The following PKD1 variants were observed in gnomAD, a reference collection of about 807,000 sequenced individuals.
PKD1 encodes the protein polycystin 1, transient receptor potential channel interacting.
In PKD1, 81 loss-of-function variants were observed where a neutral mutation model predicts 361.7. That is an observed-to-expected ratio of 0.22 (90% CI 0.19 to 0.27). The LOEUF (loss-of-function observed/expected upper bound fraction) is 0.27. Ranked by LOEUF, PKD1 falls within the 10% of genes least tolerant of loss-of-function variation. The pLI is 1.00. For missense variants in PKD1, 6,399 were observed against 6,118.3 expected (o/e 1.05, Z -1.53); for synonymous variants, 3,615 against 2,818.3 (o/e 1.28, Z -8.95).
chr16:2,114,673 A>C lies in PKD1; in HGVS notation c.2350T>G (p.Leu784Val). 1 of 1,545,134 alleles carries C rather than the reference A, an allele frequency of 6.5e-7. No homozygotes were observed. Among genetic ancestry groups the C allele is most frequent in the Non-Finnish European group, 8.7e-7 (1 of 1,153,556 alleles). The change falls in exon 11 of 46, where the codon TTG (leucine) becomes GTG (valine). Residue 784 changes from leucine to valine, a missense_variant. Leu to Val is a conservative substitution (Grantham distance 32). Transcript: ENST00000262304. ...ATEQLTVLLG[L>V]RPNPGLRLPG... is the part of the protein sequence containing the mutation. ...AGCCGCAGTCCAGGGTTGGGCCTCA[A>C]GCCCAGCAGCACGGTGAGCTGTTCC... is the stretch of plus-strand genomic sequence containing the variant.
chr16:2,104,762 G>C (rs1426909186), intron 21 of PKD1, 120 bp from the exon 22 acceptor site: 53 of 779,714 alleles, frequency 6.8e-5, no homozygotes, highest in South Asian at 3.7e-4. Flanking sequence ...GAGCCCACTT[G>C]ACTGGACCCC....
chr16:2,124,420 C>G (rs2092767517), intron 1 of PKD1, among the ~76,000 whole-genome samples: 2 of 152,242 alleles, frequency 1.3e-5, no homozygotes, highest in East Asian at 3.8e-4. Flanking sequence ...TGGGTGAAGC[C>G]TGAGGCTGGC....
In PKD1 at chr16:2,106,654, G is replaced by A; in HGVS notation, c.7233C>T (p.Ser2411=). The change falls in exon 18 of 46, where the codon AGC becomes AGT. Residue 2411 remains serine (S), a synonymous_variant. Coordinates refer to ENST00000262304, the MANE Select transcript of PKD1 (RefSeq NM_001009944.3). This position sits in a 1 kb window ranked among gnomAD's most constrained non-coding sequence, Gnocchi z 6.5. ...KRGRWAARTF[S]NKTLVLDETT... ...TCTCATCCAGCACCAGCGTCTTGTTGCTGAACGTACGTGCAGCCCACCGCT... is the reference window on the plus strand; with the variant it reads ...TCTCATCCAGCACCAGCGTCTTGTTACTGAACGTACGTGCAGCCCACCGCT... 5 of 1,597,398 alleles carry A rather than the reference G, an allele frequency of 3.1e-6. No individual in the cohort carries two copies. Among genetic ancestry groups the A allele is most frequent in the South Asian group, 1.1e-5 (1 of 90,844 alleles).
At chr16:2,113,952 GAA>G in intron 11 of PKD1, 1 of 598,510 alleles carries the variant, frequency 1.7e-6, no homozygotes, top group Non-Finnish European at 3.0e-6. Context: ...TGAGACAGTG[GAA>G]TGAGTTAGCG....
At chr16:2,097,121 C>T (rs2091880883) in intron 34 of PKD1, 27 bp downstream of exon 34, 2 of 1,528,884 alleles carry the variant, frequency 1.3e-6, no homozygotes, top group African/African-American at 2.8e-5. Flanking sequence ...CTGGCAATCC[C>T]CCCTCCCCCG....
chr16:2,093,374 C>T (rs1009332923), intron 37 of PKD1, 170 bp downstream of exon 37: 1 of 728,708 alleles, frequency 1.4e-6, no homozygotes, highest in South Asian at 1.8e-5. Flanking sequence ...ACTGGGGCAG[C>T]AAGTGGGGGG....
chr16:2,115,140 G>A (rs1460978017), intron 10 of PKD1: 19 of 917,364 alleles, frequency 2.1e-5, no homozygotes, highest in Non-Finnish European at 2.5e-5. Flanking sequence ...AGACAGGAAG[G>A]AGCAGCTGTG....
rs1451687257 is a variant in PKD1 at position 2,109,853 on chromosome 16, G to A, written c.5314C>T (p.Pro1772Ser). 1.9e-6 allele frequency: 3 copies of A among 1,610,684 alleles called. No individual in the cohort carries two copies. Among genetic ancestry groups the A allele is most frequent in the African/African-American group, 2.7e-5 (2 of 74,970 alleles). The change falls in exon 15 of 46, where the codon CCC becomes TCC. Residue 1772 changes from proline (P) to serine (S), a missense_variant. Transcript: ENST00000262304. ...TSEPFTTHSF[P>S]TPGLHLVTMT... is the part of the protein sequence containing the mutation. ...GTGACCAAGTGCAGGCCGGGTGTGG[G>A]GAAGCTATGGGTGGTAAATGGCTCG... is the stretch of plus-strand genomic sequence containing the variant.
rs1161298621 is a variant in PKD1 at position 2,106,475 on chromosome 16, G to A, written c.7412C>T (p.Pro2471Leu). The A allele has an allele frequency of 5.0e-6, 8 of 1,590,244 alleles. No individual in the cohort carries two copies. The highest frequency in any genetic ancestry group is 1.3e-5 in the African/African-American group (1 of 74,634). Residue 2471 changes from proline (P) to leucine (L), a missense_variant, in exon 18 of 46, where the codon CCG becomes CTG. By Grantham distance (98) the Pro-to-Leu change is moderately conservative. Coordinates refer to ENST00000262304, the MANE Select transcript of PKD1 (RefSeq NM_001009944.3). This position sits in a 1 kb window ranked among gnomAD's most constrained non-coding sequence, Gnocchi z 6.5. ...ASIRLSPNRP[P>L]LGGSCRLFPL... The stretch of plus-strand genomic sequence containing the variant: ...GAAGAGGCGGCAAGAGCCCCCCAGC[G>A]GCGGGCGGTTGGGGGACAGGCGGAT...
chr16:2,099,584 G>C (rs1211108631), intron 30 of PKD1, 60 bp downstream of exon 30: 4 of 1,520,180 alleles, frequency 2.6e-6, no homozygotes, highest in Non-Finnish European at 3.5e-6. Context: ...GCGGCCCTAG[G>C]CATGGTGCCG....
chr16:2,089,950 T>C lies in PKD1; in HGVS notation c.12689A>G (p.Asn4230Ser). The C allele has an allele frequency of 3.1e-6, 5 of 1,612,252 alleles. No homozygotes were observed. Among genetic ancestry groups the C allele is most frequent in the Non-Finnish European group, 4.2e-6 (5 of 1,179,770 alleles). Residue 4230 changes from asparagine to serine, a missense_variant, in exon 46 of 46, where the codon AAC (asparagine) becomes AGC (serine). Asn to Ser is a conservative substitution (Grantham distance 46, BLOSUM62 1). Coordinates refer to ENST00000262304, the MANE Select transcript of PKD1 (RefSeq NM_001009944.3). ...EALLTQFDRLNQATEDVYQLE... is the reference protein window; with the variant it reads ...EALLTQFDRLSQATEDVYQLE... ...CTGGTAGACGTCCTCTGTGGCCTGG[T>C]TGAGTCGGTCAAACTGGGTGAGCAG...
intron 9 of PKD1, 109 bp from the exon 10 acceptor site, chr16:2,115,734 C>G (rs1331063713): frequency 8.8e-7 from 1 of 1,134,844 alleles, no homozygotes; most frequent in Non-Finnish European, 1.3e-6. Context: ...ACAGGTCTCC[C>G]CACCTGGGCA....
rs774163518 is a variant in PKD1, at chr16:2,106,100, G to C, written c.7694C>G (p.Ala2565Gly). 6.2e-7 allele frequency: 1 copy of C among 1,605,410 alleles called. No homozygotes were observed. The highest frequency in any genetic ancestry group is 1.3e-5 in the African/African-American group (1 of 74,472). The part of the protein sequence containing the change: ...VQDQLGAAVV[A>G]LNRSLAITLP... ...CCACGGCCTGGCTCACCTGTTGAGGGCGACCACAGCGGCTCCCAGCTGGTC... is the reference window on the plus strand; with the variant it reads ...CCACGGCCTGGCTCACCTGTTGAGGCCGACCACAGCGGCTCCCAGCTGGTC... The change falls in exon 19 of 46, where the codon GCC becomes GGC. Residue 2565 changes from alanine (A) to glycine (G), a missense_variant. Physicochemically the swap from Ala to Gly is moderately conservative, Grantham distance 60 (BLOSUM62 0). Coordinates refer to ENST00000262304, the MANE Select transcript of PKD1 (RefSeq NM_001009944.3). The surrounding 1 kb of genome is among the most constrained non-coding windows in gnomAD (Gnocchi z 6.5).
intron 14 of PKD1, 116 bp downstream of exon 14, chr16:2,112,224 G>A (rs1343880072): frequency 1.2e-5 from 11 of 902,772 alleles, no homozygotes; most frequent in Non-Finnish European, 1.7e-5. Flanking sequence ...ATCAGCCCAG[G>A]TGAGGTCACA....
intron 44 of PKD1, 40 bp downstream of exon 44, chr16:2,090,634 G>A (rs764847427): frequency 1.1e-5 from 18 of 1,609,852 alleles, no homozygotes; most frequent in African/African-American, 5.3e-5. Flanking sequence ...GCTGAGCTGA[G>A]CTGAGCTAAG....
rs149041162 is a variant in PKD1 at position 2,112,920 on chromosome 16, T to G, written c.3029A>C (p.Asn1010Thr). The stretch of plus-strand genomic sequence containing the variant: ...CCTGTTCATCCGCTCCACGGTTACG[T>G]TGTAGTTCACGGTGACGTTGCTCAC... ...NHVSNVTVNY[N>T]VTVERMNRMQ... The change falls in exon 13 of 46, where the codon AAC (asparagine) becomes ACC (threonine). Residue 1010 changes from asparagine to threonine, a missense_variant. Transcript: ENST00000262304. 1 of 1,605,294 alleles carries G rather than the reference T, an allele frequency of 6.2e-7. No homozygotes were observed. Among genetic ancestry groups the G allele is most frequent in the African/African-American group, 1.3e-5 (1 of 74,964 alleles).
At position 2,116,864 on chromosome 16, in the gene PKD1, C is replaced by A. The variant is rs893251835; in HGVS notation, c.1575G>T (p.Pro525=). The A allele has an allele frequency of 2.0e-6, 3 of 1,529,678 alleles. No homozygotes were observed. The highest frequency in any genetic ancestry group is 1.9e-5 in the Admixed American group (1 of 51,462). 94.8% of individuals were successfully genotyped at this position (1,529,678 alleles called of 1,614,324 possible). ...GCTGCAGCTCGCAGACGTAGCTGTGCGGCGCTGAGCACAGGTCGGTGTTAC... is the reference window on the plus strand; with the variant it reads ...GCTGCAGCTCGCAGACGTAGCTGTGAGGCGCTGAGCACAGGTCGGTGTTAC... The part of the protein sequence containing the change: ...GWCNTDLCSA[P]HSYVCELQPG... Residue 525 remains proline, a synonymous_variant, in exon 7 of 46, where the codon CCG becomes CCT. Coordinates refer to ENST00000262304, the MANE Select transcript of PKD1 (RefSeq NM_001009944.3).
At position 2,110,034 on chromosome 16, in the gene PKD1, G is replaced by T; in HGVS notation, c.5133C>A (p.Thr1711=). The T allele has an allele frequency of 7.5e-6, 12 of 1,610,528 alleles. No individual in the cohort carries two copies. Among genetic ancestry groups the T allele is most frequent in the Non-Finnish European group, 1.0e-5 (12 of 1,179,700 alleles). The change falls in exon 15 of 46, where the codon ACC becomes ACA. Residue 1711 remains threonine (T), a synonymous_variant. Transcript: ENST00000262304. The part of the protein sequence containing the change: ...NMLGSAWADC[T]MDFVEPVGWL... ...ACCCCACAGGCTCCACGAAGTCCAT[G>T]GTGCAGTCGGCCCAGGCGCTGCCCA...
chr16:2,103,812 C>T lies in PKD1; in HGVS notation c.8245G>A (p.Ala2749Thr). The change falls in exon 23 of 46, where the codon GCG (alanine) becomes ACG (threonine). Residue 2749 changes from alanine (A) to threonine (T), a missense_variant. Transcript: ENST00000262304. ...LGAESPSRMV[A>T]SQAYNLTSAL... ...GAGGTCAGGTTGTAGGCCTGGGACG[C>T]CACCATCCGAGATGGTGACTCGGCT... 2 of 1,608,834 alleles carry T rather than the reference C, an allele frequency of 1.2e-6. No individual in the cohort carries two copies. The highest frequency in any genetic ancestry group is 1.3e-5 in the African/African-American group (1 of 74,442).
Sources: allele counts gnomAD v4.1 joint callset (sites outside exome capture counted in the v4.1 genomes callset), GRCh38; gene constraint gnomAD v4.1.1; non-coding constraint Gnocchi (gnomAD v3.1); transcripts MANE v1.5; gene names NCBI Gene and HGNC (gene_info 2026-07-23, HGNC 2026-07-21).